PHF14: variants seen among roughly 807,000 people sequenced by gnomAD.
PHF14 encodes PHD finger protein 14.
PHF14 carries 55 observed loss-of-function variants against 117.9 expected under a neutral mutation model. The observed-to-expected ratio is 0.47, with a 90% CI of 0.38 to 0.58. The LOEUF is 0.58. Ranked by LOEUF, PHF14 falls within the 20% of genes least tolerant of loss-of-function variation. The pLI, the probability that PHF14 is intolerant of heterozygous loss-of-function variation, is 0.00. For synonymous variants in PHF14, 409 were observed against 368.6 expected, an observed-to-expected ratio of 1.11 and a Z score of -1.26; for missense variants, 978 against 1,122.2, an observed-to-expected ratio of 0.87 and a Z score of 1.84.
intron 17 of PHF14, among the ~76,000 whole-genome samples, chr7:11,131,143 A>G (rs1170424667): frequency 1.3e-5 from 2 of 151,960 alleles, no homozygotes; most frequent in Non-Finnish European, 2.9e-5. Flanking sequence ...TACTATAAAC[A>G]TTCAGGTACA....
intron 5 of PHF14, among the ~76,000 whole-genome samples, chr7:11,020,389 T>A (rs1372052608): frequency 6.6e-6 from 1 of 152,074 alleles, no homozygotes; most frequent in Non-Finnish European, 1.5e-5. Flanking sequence ...TTTTTTCTTT[T>A]TTTCTGGAGA....
At chr7:11,163,345 G>A (rs1169250449) in intron 17 of PHF14, among the ~76,000 whole-genome samples, 1 of 152,128 alleles carries the variant, frequency 6.6e-6, no homozygotes, top group Non-Finnish European at 1.5e-5. Flanking sequence ...GTTCATTTCA[G>A]TATCTGTCAT....
At chr7:11,043,151 A>G (rs1294480071) in intron 13 of PHF14, among the ~76,000 whole-genome samples, 1 of 152,016 alleles carries the variant, frequency 6.6e-6, no homozygotes, top group Non-Finnish European at 1.5e-5. Flanking sequence ...CCATCATATT[A>G]TGCTTTTACT....
intron 16 of PHF14, among the ~76,000 whole-genome samples, chr7:11,085,127 A>G (rs960159233): frequency 6.6e-6 from 1 of 152,178 alleles, no homozygotes; most frequent in Non-Finnish European, 1.5e-5. Context: ...CAACAGATAT[A>G]TATTATTTAG....
chr7:11,097,408 G>A (rs1786918225), intron 16 of PHF14, among the ~76,000 whole-genome samples: 1 of 152,112 alleles, frequency 6.6e-6, no homozygotes. Flanking sequence ...TCTATCATAG[G>A]TATTGATATC....
intron 6 of PHF14, among the ~76,000 whole-genome samples, chr7:11,027,545 G>A (rs1186996032): frequency 1.3e-5 from 2 of 151,732 alleles, no homozygotes. Flanking sequence ...GATAGTTAAA[G>A]GAATAAAAAA....
At chr7:11,127,113 CT>C (rs1035450305) in intron 17 of PHF14, among the ~76,000 whole-genome samples, 3 of 151,714 alleles carry the variant, frequency 2.0e-5, no homozygotes, top group Admixed American at 6.6e-5. Context: ...TATTAATAGT[CT>C]TTTTTTTAAA....
chr7:11,159,700 GA>G (rs1413657929), intron 17 of PHF14, among the ~76,000 whole-genome samples: 1 of 152,004 alleles, frequency 6.6e-6, no homozygotes, highest in African/African-American at 2.4e-5. Context: ...AGGTACAAGG[GA>G]TCTCTGTATT....
At chr7:11,151,957 T>A (rs1484396976) in intron 17 of PHF14, among the ~76,000 whole-genome samples, 1 of 152,140 alleles carries the variant, frequency 6.6e-6, no homozygotes, top group Non-Finnish European at 1.5e-5. Context: ...TGTATCCTCA[T>A]AAGATTTAAG....
At chr7:11,155,132 C>G (rs781444391) in intron 17 of PHF14, among the ~76,000 whole-genome samples, 4 of 152,154 alleles carry the variant, frequency 2.6e-5, no homozygotes, top group Non-Finnish European at 5.9e-5. Context: ...AGGATTTGTG[C>G]TAGGCTCCTC....
At chr7:10,987,591 A>G (rs972004923) in intron 3 of PHF14, among the ~76,000 whole-genome samples, 2 of 152,176 alleles carry the variant, frequency 1.3e-5, no homozygotes, top group African/African-American at 4.8e-5. Context: ...TCCTATAATT[A>G]CATTGGATTC....
At chr7:11,131,987 ATTTAAG>A (rs1467452210) in intron 17 of PHF14, among the ~76,000 whole-genome samples, 1 of 151,708 alleles carries the variant, frequency 6.6e-6, no homozygotes, top group Non-Finnish European at 1.5e-5. Context: ...TATTGTGTAT[ATTTAAG>A]GTATACAACA....
At chr7:11,110,674 T>G in intron 16 of PHF14, 1 of 186,506 alleles carries the variant, frequency 5.4e-6, no homozygotes, top group Non-Finnish European at 9.7e-6. Flanking sequence ...TGACAGGTAA[T>G]TTGTGAGAAT....
chr7:10,984,847 C>T (rs1348781427), intron 3 of PHF14, among the ~76,000 whole-genome samples: 1 of 152,166 alleles, frequency 6.6e-6, no homozygotes, highest in Non-Finnish European at 1.5e-5. Context: ...CACTAGAAGA[C>T]ACTTTAGTAA....
rs574923863 is a variant in PHF14, at chr7:11,155,550, T to C, written c.2773-13866T>C. On this transcript the variant is annotated intron_variant, in intron 17 of 17. Coordinates refer to ENST00000634607, the MANE Select transcript of PHF14 (RefSeq NM_001007157.2). Reference sequence around the variant, plus strand: ...CATTGTTTGCTTGACCAACTCTTTCTTATCCTTCATGTCTCATTGCATTAG... The same window carrying C: ...CATTGTTTGCTTGACCAACTCTTTCCTATCCTTCATGTCTCATTGCATTAG... 7.9e-5 allele frequency among the ~76,000 whole-genome samples: 12 copies of C among 152,348 alleles called. No homozygotes were observed. The South Asian group carries it at 2.3e-3, about 29-fold the overall frequency.
intron 16 of PHF14, chr7:11,063,485 G>A (rs899738739): frequency 2.0e-6 from 2 of 982,424 alleles, no homozygotes; most frequent in Admixed American, 6.2e-5. Context: ...CCTTGGGGTT[G>A]AGGGTGGAGT....
At chr7:10,995,476 C>T (rs1305380834) in intron 4 of PHF14, among the ~76,000 whole-genome samples, 1 of 152,228 alleles carries the variant, frequency 6.6e-6, no homozygotes, top group African/African-American at 2.4e-5. Context: ...GACTCGGGAG[C>T]CTAGCTGGCT....
intron 17 of PHF14, among the ~76,000 whole-genome samples, chr7:11,149,006 A>G (rs763018565): frequency 6.6e-6 from 1 of 151,984 alleles, no homozygotes; most frequent in Non-Finnish European, 1.5e-5. Flanking sequence ...TCCTTGAAAT[A>G]GGGTTTTTTT....
intron 16 of PHF14, chr7:11,105,289 A>T: frequency 2.1e-6 from 2 of 948,008 alleles, no homozygotes; most frequent in East Asian, 1.2e-4. Flanking sequence ...TATATTTATG[A>T]TGTTAAAAAT....
Sources: allele counts gnomAD v4.1 joint callset (sites outside exome capture counted in the v4.1 genomes callset), GRCh38; gene constraint gnomAD v4.1.1; transcripts MANE v1.5; gene names NCBI Gene and HGNC (gene_info 2026-07-23, HGNC 2026-07-21).